The following SLC38A4 variants were observed in gnomAD, a reference collection of about 807,000 sequenced individuals.
The protein encoded by SLC38A4 is solute carrier family 38 member 4.
In SLC38A4, 20 loss-of-function variants were observed where a neutral mutation model predicts 63.1. The observed-to-expected ratio is 0.32, with a 90% CI of 0.22 to 0.46. The LOEUF is 0.46. Among genes scored for constraint, SLC38A4 ranks in the 20% least tolerant of loss-of-function variants. The pLI is 1.00. For missense variants in SLC38A4, 526 were observed against 663.6 expected (o/e 0.79, Z 2.28); for synonymous variants, 230 against 225.5 (o/e 1.02, Z -0.18).
intron 1 of SLC38A4, among the ~76,000 whole-genome samples, chr12:46,831,763 G>T (rs1939734304): frequency 6.6e-6 from 1 of 152,228 alleles, no homozygotes; most frequent in Non-Finnish European, 1.5e-5. Flanking sequence ...CTGAGGACGC[G>T]GGCGCGGGTC....
At chr12:46,813,276 A>G (rs1284467858) in intron 1 of SLC38A4, among the ~76,000 whole-genome samples, 1 of 151,994 alleles carries the variant, frequency 6.6e-6, no homozygotes, top group African/African-American at 2.4e-5. Context: ...CTATGTCTGT[A>G]TTTATATTTA....
chr12:46,788,516 A>C lies in SLC38A4; in HGVS notation c.210+12T>G, dbSNP rs753325693. On this transcript the variant is annotated intron_variant, in intron 4 of 16. Coordinates refer to ENST00000266579, the MANE Select transcript of SLC38A4 (RefSeq NM_018018.5). ...AGTCCCGTTTATTGCCTGAAAGCAT[A>C]GATTCACTTACGTGTTCATCAGCAT... 1 of 1,606,598 alleles carries C rather than the reference A, an allele frequency of 6.2e-7. No homozygotes were observed.
intron 10 of SLC38A4, among the ~76,000 whole-genome samples, chr12:46,779,046 GATCATTTCCTT>G (rs940657635): frequency 5.9e-5 from 9 of 152,032 alleles, no homozygotes; most frequent in Middle Eastern, 3.4e-3. Flanking sequence ...TGAGAAAGAT[GATCATTTCCTT>G]ATTTCTTCAA....
intron 2 of SLC38A4, among the ~76,000 whole-genome samples, chr12:46,800,169 C>T (rs946273615): frequency 1.3e-5 from 2 of 152,110 alleles, no homozygotes; most frequent in African/African-American, 4.8e-5. Flanking sequence ...CTCTATCCTT[C>T]ACCTCCTACT....
At position 46,775,135 on chromosome 12, in the gene SLC38A4, C is replaced by A. The variant is rs779917701; in HGVS notation, c.1213G>T (p.Val405Leu). 8.1e-6 allele frequency: 13 copies of A among 1,612,390 alleles called. No individual in the cohort carries two copies. The African/African-American group carries it at 1.5e-4, about 18-fold the overall frequency. Reference sequence around the variant, plus strand: ...AGAAGAGGGATGTCTAATGTATACACTTTGCTGTAGGCATGAAGTAATTCA... The same window carrying A: ...AGAAGAGGGATGTCTAATGTATACAATTTGCTGTAGGCATGAAGTAATTCA... ...EDELLHAYSKVYTLDIPLLMV... is the reference protein window; with the variant it reads ...EDELLHAYSKLYTLDIPLLMV... Residue 405 changes from valine to leucine, a missense_variant, in exon 14 of 17, where the codon GTG becomes TTG. Physicochemically the swap from Val to Leu is conservative, Grantham distance 32 (BLOSUM62 1). Transcript: ENST00000266579.
chr12:46,801,853 A>T (rs1939137719), intron 2 of SLC38A4, among the ~76,000 whole-genome samples: 1 of 152,114 alleles, frequency 6.6e-6, no homozygotes, highest in African/African-American at 2.4e-5. Flanking sequence ...TAGCTTCCAT[A>T]AAAGTATTCA....
chr12:46,824,952 T>C (rs1246146241), intron 1 of SLC38A4, among the ~76,000 whole-genome samples: 1 of 152,226 alleles, frequency 6.6e-6, no homozygotes, highest in Non-Finnish European at 1.5e-5. Context: ...GTGTGTCAGA[T>C]GTAACCACTG....
chr12:46,765,489 G>C lies in SLC38A4; in HGVS notation c.*1212C>G. 1 of 358,802 alleles carries C rather than the reference G, an allele frequency of 2.8e-6. No homozygotes were observed. The highest frequency in any genetic ancestry group is 4.1e-5 in the Admixed American group (1 of 24,430). The allele number at this position is 358,802 out of a possible 1,614,324, so 22.2% of individuals were successfully genotyped here. A position where few individuals can be genotyped will look rare whatever the true frequency, so the allele number is the denominator to read the frequency against. On this transcript the variant is annotated 3_prime_UTR_variant, in exon 17 of 17. Coordinates refer to ENST00000266579, the MANE Select transcript of SLC38A4 (RefSeq NM_018018.5). ...TTTGCAAAAAGAAACTTATTTTCTT[G>C]TAGATCATCCTATTATTGTAAATAT...
At chr12:46,800,407 A>T (rs942109632) in intron 2 of SLC38A4, among the ~76,000 whole-genome samples, 1 of 151,860 alleles carries the variant, frequency 6.6e-6, no homozygotes, top group African/African-American at 2.4e-5. Flanking sequence ...GAAGCCGATC[A>T]CCCCTCACTC....
At chr12:46,791,311 C>G (rs2429465) in intron 3 of SLC38A4, among the ~76,000 whole-genome samples, 10,532 of 152,270 alleles carry the variant, frequency 0.069, 681 homozygotes, top group East Asian at 0.26. Flanking sequence ...AGAGGACAAA[C>G]AGCTTCTCTA....
chr12:46,778,826 A>C (rs1472550570), intron 10 of SLC38A4, 50 bp from the exon 11 acceptor site: 1 of 1,558,770 alleles, frequency 6.4e-7, no homozygotes, highest in Admixed American at 1.8e-5. Flanking sequence ...TTGAGAAAAA[A>C]CAATGAAATA....
chr12:46,772,133 T>TA (rs372169654), intron 14 of SLC38A4, among the ~76,000 whole-genome samples: 1,687 of 131,476 alleles, frequency 0.013, 11 homozygotes, highest in South Asian at 0.027. Context: ...TTCTAACTCT[T>TA]AAAAAAAAAA....
At chr12:46,815,284 T>TACACACACACAC (rs369027203) in intron 1 of SLC38A4, among the ~76,000 whole-genome samples, 2 of 82,968 alleles carry the variant, frequency 2.4e-5, no homozygotes, top group African/African-American at 1.0e-4. Context: ...TATATATATA[T>TACACACACACAC]ACACACACAC....
rs1426286825 is a variant in SLC38A4, at chr12:46,819,162, C to T, written c.-305+6741G>A. 5.3e-5 allele frequency among the ~76,000 whole-genome samples: 8 copies of T among 151,804 alleles called. No homozygotes were observed. The East Asian group carries it at 1.5e-3, about 29-fold the overall frequency. ...ATTCTGTAAGACAACTAGATTTCAT[C>T]ATCAAATAAAACGTAAGATGTGGAA... On this transcript the variant is annotated intron_variant, in intron 1 of 16. Transcript: ENST00000266579.
chr12:46,769,206 C>T, intron 15 of SLC38A4, 78 bp downstream of exon 15: 1 of 1,512,970 alleles, frequency 6.6e-7, no homozygotes, highest in Non-Finnish European at 9.1e-7. Context: ...ATCTGGATGA[C>T]CCAGCACTGG....
chr12:46,780,614 T>TC (rs565601841), intron 7 of SLC38A4, among the ~76,000 whole-genome samples: 104 of 142,126 alleles, frequency 7.3e-4, no homozygotes, highest in South Asian at 4.2e-3. Context: ...TTTTTTTTTT[T>TC]CCCCCCTCTT....
intron 15 of SLC38A4, among the ~76,000 whole-genome samples, chr12:46,768,809 C>G (rs1044362491): frequency 1.3e-5 from 2 of 152,022 alleles, no homozygotes; most frequent in Non-Finnish European, 2.9e-5. Flanking sequence ...AGTAAACCCT[C>G]AATGAGTAGA....
At chr12:46,785,534 A>G (rs180431) in intron 5 of SLC38A4, among the ~76,000 whole-genome samples, 129,277 of 151,942 alleles carry the variant, frequency 0.85, 57,674 homozygotes, top group Non-Finnish European at 0.99. Flanking sequence ...ATTCACATCA[A>G]CACTTAGAAT....
At chr12:46,796,709 C>T (rs1939014502) in intron 2 of SLC38A4, among the ~76,000 whole-genome samples, 2 of 151,646 alleles carry the variant, frequency 1.3e-5, no homozygotes, top group Admixed American at 1.3e-4. Flanking sequence ...TGTTATACCT[C>T]TTTGTCTGCA....
Sources: allele counts gnomAD v4.1 joint callset (sites outside exome capture counted in the v4.1 genomes callset), GRCh38; gene constraint gnomAD v4.1.1; transcripts MANE v1.5; gene names NCBI Gene and HGNC (gene_info 2026-07-23, HGNC 2026-07-21).